EML6: variants seen among roughly 807,000 people sequenced by gnomAD.
The protein encoded by EML6 is echinoderm microtubule-associated protein-like 6.
A neutral mutation model predicts 240.1 loss-of-function variants in EML6; 154 were observed. The ratio of observed to expected loss-of-function variants is 0.64; its 90% CI spans 0.56 to 0.73. EML6 has a LOEUF of 0.73. EML6 is among the 30% of genes least tolerant of loss of function. The pLI, the probability that EML6 is intolerant of heterozygous loss-of-function variation, is 0.00. For synonymous variants in EML6, 1,148 were observed against 899.0 expected (o/e 1.28, Z -4.95); for missense variants, 2,964 against 2,474.6 (o/e 1.20, Z -4.20).
intron 29 of EML6, 95 bp from the exon 30 acceptor site, chr2:54,950,555 T>A: frequency 7.1e-7 from 1 of 1,404,808 alleles, no homozygotes. Context: ...ATACCGTTCC[T>A]GGGACACACG....
chr2:54,732,725 A>T (rs6545440), intron 2 of EML6, among the ~76,000 whole-genome samples: 32,918 of 152,112 alleles, frequency 0.22, 3,863 homozygotes, highest in African/African-American at 0.32. Context: ...GCTATTCTGT[A>T]TTTGTAAAGA....
intron 8 of EML6, among the ~76,000 whole-genome samples, chr2:54,846,178 C>G (rs372176465): frequency 5.3e-5 from 8 of 152,092 alleles, no homozygotes; most frequent in Admixed American, 2.0e-4. Flanking sequence ...CAAAAGTGGA[C>G]CCATCACTTG....
At chr2:54,969,566 A>G (rs1438794309) in intron 41 of EML6, among the ~76,000 whole-genome samples, 1 of 152,210 alleles carries the variant, frequency 6.6e-6, no homozygotes, top group African/African-American at 2.4e-5. Context: ...CACCAACCCA[A>G]TTGTGAACAA....
intron 13 of EML6, 72 bp downstream of exon 13, chr2:54,863,961 C>T (rs1168289452): frequency 1.3e-6 from 1 of 757,690 alleles, no homozygotes; most frequent in Admixed American, 3.1e-5. Flanking sequence ...GGACATAGCA[C>T]TAAAAATGAC....
At chr2:54,910,068 T>C (rs1673559630) in intron 24 of EML6, among the ~76,000 whole-genome samples, 1 of 152,028 alleles carries the variant, frequency 6.6e-6, no homozygotes, top group East Asian at 1.9e-4. Flanking sequence ...ATAGGTGAAA[T>C]ATTATGACGT....
intron 28 of EML6, among the ~76,000 whole-genome samples, chr2:54,945,465 G>T (rs959925947): frequency 6.6e-6 from 1 of 151,990 alleles, no homozygotes. Flanking sequence ...TTGGCTAGTT[G>T]GAACTGAGTT....
chr2:54,890,905 T>C, intron 17 of EML6, 149 bp from the exon 18 acceptor site: 2 of 451,050 alleles, frequency 4.4e-6, no homozygotes, highest in Non-Finnish European at 7.9e-6. Flanking sequence ...CTCGTTATTT[T>C]AATGTAGATG....
intron 28 of EML6, among the ~76,000 whole-genome samples, chr2:54,941,962 A>G (rs1558709515): frequency 6.6e-6 from 1 of 152,268 alleles, no homozygotes; most frequent in Non-Finnish European, 1.5e-5. Flanking sequence ...AAATGCTGAA[A>G]TTAATCATCT....
intron 7 of EML6, among the ~76,000 whole-genome samples, chr2:54,843,536 G>C (rs1390133868): frequency 1.3e-5 from 2 of 152,126 alleles, no homozygotes; most frequent in Non-Finnish European, 2.9e-5. Context: ...GAAACATCCA[G>C]CGCTTGTAAG....
intron 2 of EML6, among the ~76,000 whole-genome samples, chr2:54,805,206 A>G (rs1670404704): frequency 6.6e-6 from 1 of 152,162 alleles, no homozygotes; most frequent in Non-Finnish European, 1.5e-5. Context: ...TAATCTATCC[A>G]TTCACTTGTT....
At chr2:54,738,795 T>C (rs1683509356) in intron 2 of EML6, among the ~76,000 whole-genome samples, 1 of 152,242 alleles carries the variant, frequency 6.6e-6, no homozygotes, top group Non-Finnish European at 1.5e-5. Context: ...TTCTACTGTT[T>C]ATGGGCCTTT....
At chr2:54,808,121 A>T (rs1670594286) in intron 2 of EML6, among the ~76,000 whole-genome samples, 1 of 152,174 alleles carries the variant, frequency 6.6e-6, no homozygotes, top group Non-Finnish European at 1.5e-5. Context: ...TGTTTTGTCC[A>T]TGTTGCTGTC....
intron 31 of EML6, among the ~76,000 whole-genome samples, chr2:54,952,921 C>T (rs770135848): frequency 6.6e-6 from 1 of 152,148 alleles, no homozygotes; most frequent in Non-Finnish European, 1.5e-5. Context: ...TCCAAATAAA[C>T]GTTGGCCCCC....
At position 54,840,192 on chromosome 2, in the gene EML6, A is replaced by G. The variant is rs1015301132; in HGVS notation, c.848-3855A>G. Among the ~76,000 whole-genome samples the G allele has an allele frequency of 3.3e-5, 5 of 152,236 alleles. No individual in the cohort carries two copies. The East Asian group carries it at 9.6e-4, about 29-fold the overall frequency. ...GACAAATTCAAGTCATTTGGCCTTG[A>G]GAGGCCAGACATGCTGTTGGAGGCC... On this transcript the variant is annotated intron_variant, in intron 7 of 41. Transcript: ENST00000356458.
At chr2:54,806,833 A>G (rs1670520853) in intron 2 of EML6, among the ~76,000 whole-genome samples, 1 of 152,016 alleles carries the variant, frequency 6.6e-6, no homozygotes, top group Non-Finnish European at 1.5e-5. Flanking sequence ...TCCCATTCTT[A>G]TGGATGAGAA....
At chr2:54,853,953 GTTTAT>G (rs1670232588) in intron 11 of EML6, 98 bp downstream of exon 11, 1 of 632,690 alleles carries the variant, frequency 1.6e-6, no homozygotes, top group Admixed American at 3.6e-5. Flanking sequence ...CCAATGCACT[GTTTAT>G]TTTATCTTGT....
chr2:54,857,511 C>T (rs1386143197), intron 11 of EML6, among the ~76,000 whole-genome samples: 1 of 152,190 alleles, frequency 6.6e-6, no homozygotes, highest in Non-Finnish European at 1.5e-5. Flanking sequence ...TCCCTGCCCT[C>T]GTGGAGCTTT....
At chr2:54,871,413 G>C in intron 15 of EML6, 87 bp from the exon 16 acceptor site, 1 of 993,928 alleles carries the variant, frequency 1.0e-6, no homozygotes, top group Non-Finnish European at 1.6e-6. Context: ...GTTTATCTTG[G>C]TTTCTGAGCA....
rs67666233 is a variant in EML6 at position 54,929,692 on chromosome 2, A to ACCTCCTCCTCCTCCT, written c.4004+963_4004+977dup. 2.8e-5 allele frequency among the ~76,000 whole-genome samples: 4 copies of ACCTCCTCCTCCTCCT among 143,064 alleles called. No homozygotes were observed. In the East Asian group the frequency reaches 8.9e-4, roughly 32 times the overall value. 93.9% of individuals were successfully genotyped at this position (143,064 alleles called of 152,430 possible). On this transcript the variant is annotated intron_variant, in intron 28 of 41. Transcript: ENST00000356458. ...GGGGTTTTAGATGCAAAGAAATGTAACCTCCTCCTCCTCCTCCTCCTCCTC... is the reference window on the plus strand; with the variant it reads ...GGGGTTTTAGATGCAAAGAAATGTAACCTCCTCCTCCTCCTCCTCCTCCTCCTCCTCCTCCTCCTC...
Sources: allele counts gnomAD v4.1 joint callset (sites outside exome capture counted in the v4.1 genomes callset), GRCh38; gene constraint gnomAD v4.1.1; transcripts MANE v1.5; gene names NCBI Gene and HGNC (gene_info 2026-07-23, HGNC 2026-07-21).